RBFOX1: variants seen among roughly 807,000 people sequenced by gnomAD.
RBFOX1 encodes the protein RNA binding fox-1 homolog 1.
A neutral mutation model predicts 57.7 loss-of-function variants in RBFOX1; 8 were observed. The ratio of observed to expected loss-of-function variants is 0.14; its 90% confidence interval spans 0.08 to 0.25. The LOEUF (loss-of-function observed/expected upper bound fraction) is 0.25, where lower values mean the gene tolerates loss of function less well. Among genes scored for constraint, RBFOX1 ranks in the 10% least tolerant of loss-of-function variants. The probability of loss-of-function intolerance (pLI) is 1.00; values close to 1 mark genes in which losing one functional copy is unlikely to be tolerated. For synonymous variants in RBFOX1, 326 were observed against 222.4 expected (o/e 1.47, Z -4.15); for missense variants, 611 against 548.5 (o/e 1.11, Z -1.14).
intron 1 of RBFOX1, among the ~76,000 whole-genome samples, chr16:6,310,564 A>G (rs1185159601): frequency 1.5e-5 from 2 of 136,234 alleles, no homozygotes; most frequent in Non-Finnish European, 3.4e-5. Context: ...CATTCTATGG[A>G]CAAAAAAACT....
intron 4 of RBFOX1, chr16:7,328,837 T>C (rs1429375157): frequency 6.6e-6 from 1 of 152,120 alleles, no homozygotes; most frequent in Non-Finnish European, 1.5e-5. Context: ...GTCTGACTTC[T>C]TGGATAAAAT....
At chr16:7,552,612 C>T (rs2086901697) in intron 5 of RBFOX1, among the ~76,000 whole-genome samples, 1 of 152,138 alleles carries the variant, frequency 6.6e-6, no homozygotes, top group Non-Finnish European at 1.5e-5. Flanking sequence ...TAGTTCATGA[C>T]CCTATAAGAT....
chr16:6,565,384 A>G (rs1405963415), intron 2 of RBFOX1, among the ~76,000 whole-genome samples: 3 of 152,204 alleles, frequency 2.0e-5, no homozygotes, highest in Admixed American at 1.3e-4. Flanking sequence ...CAGCCTCCCA[A>G]GTAGCTGGAA....
intron 1 of RBFOX1, among the ~76,000 whole-genome samples, chr16:6,274,413 C>A (rs928713975): frequency 3.9e-5 from 6 of 152,044 alleles, no homozygotes; most frequent in African/African-American, 7.2e-5. Context: ...AGCCCAACAG[C>A]CTGAATGAAT....
intron 1 of RBFOX1, among the ~76,000 whole-genome samples, chr16:5,337,273 A>G (rs1296194260): frequency 6.6e-6 from 1 of 152,182 alleles, no homozygotes; most frequent in Non-Finnish European, 1.5e-5. Context: ...TGGGATGTGT[A>G]TAAGGCATTT....
intron 2 of RBFOX1, among the ~76,000 whole-genome samples, chr16:5,594,414 A>AT (rs2047112323): frequency 8.3e-6 from 1 of 120,586 alleles, no homozygotes; most frequent in Non-Finnish European, 1.9e-5. Context: ...CAGGCCTGTG[A>AT]CACAGCCTCA....
rs1310281019 is a variant in RBFOX1 at position 7,567,216 on chromosome 16, CATAT to C, written c.271-12554_271-12551del. On this transcript the variant is annotated intron_variant, in intron 5 of 15. Transcript: ENST00000550418. ...ATATATATATCCCTATATAAATATC[CATAT>C]ATATATCCCTATATATATATCCATA... 6.3e-3 allele frequency among the ~76,000 whole-genome samples: 705 copies of C among 111,072 alleles called. 11 individuals carry two copies. The highest frequency in any genetic ancestry group is 0.02 in the African/African-American group (587 of 28,870). The allele number at this position is 111,072 out of a possible 152,430, so 72.9% of individuals were successfully genotyped here.
chr16:6,940,131 G>T (rs952131834), intron 3 of RBFOX1, among the ~76,000 whole-genome samples: 1 of 152,144 alleles, frequency 6.6e-6, no homozygotes, highest in Admixed American at 6.5e-5. Flanking sequence ...GGCGGAGGTT[G>T]CAGTGAGCCA....
chr16:6,546,367 G>A (rs1599448710), intron 2 of RBFOX1, among the ~76,000 whole-genome samples: 1 of 152,192 alleles, frequency 6.6e-6, no homozygotes, highest in Non-Finnish European at 1.5e-5. Flanking sequence ...GGCTAAAAAT[G>A]ACAGACATTT....
In RBFOX1 at chr16:6,568,237, C is replaced by G. The variant is rs186843497; in HGVS notation, c.-63-86366C>G. 2.0e-5 allele frequency among the ~76,000 whole-genome samples: 3 copies of G among 152,256 alleles called. No homozygotes were observed. In the East Asian group the frequency reaches 5.8e-4, roughly 29 times the overall value. On this transcript the variant is annotated intron_variant, in intron 2 of 15. Transcript: ENST00000550418. ...CTGGGAGTGGCTCTAGCTCTAGTTT[C>G]CTTGTGAGGTGGTGGTTCAGTACAT...
At chr16:7,506,339 A>T (rs1489089318) in intron 4 of RBFOX1, among the ~76,000 whole-genome samples, 5 of 152,070 alleles carry the variant, frequency 3.3e-5, no homozygotes, top group Non-Finnish European at 5.9e-5. Context: ...AGATTTGGGT[A>T]CCTGGCACTA....
chr16:6,948,779 A>G (rs917186230), intron 3 of RBFOX1, among the ~76,000 whole-genome samples: 1 of 152,120 alleles, frequency 6.6e-6, no homozygotes, highest in Non-Finnish European at 1.5e-5. Flanking sequence ...ACAATCCAGA[A>G]GAGGAAGCGT....
intron 4 of RBFOX1, among the ~76,000 whole-genome samples, chr16:5,888,513 A>G (rs911728531): frequency 6.6e-6 from 1 of 152,288 alleles, no homozygotes; most frequent in Admixed American, 6.5e-5. Context: ...ATAGTTGTTG[A>G]GGCCGGGCGC....
chr16:5,930,274 G>C (rs1402370582), intron 4 of RBFOX1, among the ~76,000 whole-genome samples: 2 of 106,998 alleles, frequency 1.9e-5, no homozygotes, highest in East Asian at 6.7e-4. Context: ...TAGGTGGGAG[G>C]GTGAGTAGGT....
intron 4 of RBFOX1, among the ~76,000 whole-genome samples, chr16:7,400,241 G>T (rs2098218284): frequency 1.3e-5 from 2 of 152,138 alleles, no homozygotes; most frequent in Non-Finnish European, 2.9e-5. Context: ...CTTCCCCAAA[G>T]CTCCCATCTC....
At chr16:6,072,010 A>C (rs28768188) in intron 1 of RBFOX1, among the ~76,000 whole-genome samples, 1 of 152,166 alleles carries the variant, frequency 6.6e-6, no homozygotes, top group African/African-American at 2.4e-5. Flanking sequence ...TAATAAAGAC[A>C]TACCCAAGAC....
chr16:7,216,786 C>T (rs1364773023), intron 4 of RBFOX1, among the ~76,000 whole-genome samples: 1 of 152,134 alleles, frequency 6.6e-6, no homozygotes, highest in African/African-American at 2.4e-5. Flanking sequence ...CAGAAAAATT[C>T]TTAGGGTAGC....
chr16:7,486,746 A>C (rs975319539), intron 4 of RBFOX1, among the ~76,000 whole-genome samples: 13 of 152,148 alleles, frequency 8.5e-5, no homozygotes, highest in Non-Finnish European at 1.5e-4. Flanking sequence ...GGTCTAGGGG[A>C]ATAGACAGAG....
chr16:6,708,287 A>AACACACAC (rs138742593), intron 3 of RBFOX1, among the ~76,000 whole-genome samples: 5,006 of 143,068 alleles, frequency 0.035, 275 homozygotes, highest in African/African-American at 0.12. Context: ...AGCATTTTTG[A>AACACACAC]ACACACACAC....
Sources: gnomAD v4.1 joint callset for allele counts (sites outside exome capture counted in the v4.1 genomes callset) on GRCh38, gnomAD v4.1.1 for gene constraint, MANE v1.5 for transcripts, NCBI Gene and HGNC (gene_info 2026-07-23, HGNC 2026-07-21) for gene names.